The following AASS variants were observed in gnomAD, a reference collection of about 807,000 sequenced individuals.
The protein encoded by AASS is aminoadipate-semialdehyde synthase.
In AASS, 86 loss-of-function variants were observed where a neutral mutation model predicts 105.4. The observed-to-expected ratio is 0.82, with a 90% CI of 0.69 to 0.98. The LOEUF (loss-of-function observed/expected upper bound fraction) is 0.98, where lower values mean the gene tolerates loss of function less well. Among genes scored for constraint, AASS ranks in the 50% least tolerant of loss-of-function variants. The probability of loss-of-function intolerance (pLI) is 0.00; values close to 1 mark genes in which losing one functional copy is unlikely to be tolerated. For synonymous variants in AASS, 381 were observed against 394.8 expected, an observed-to-expected ratio of 0.96 and a Z score of 0.41; for missense variants, 1,048 against 1,143.2, an observed-to-expected ratio of 0.92 and a Z score of 1.20.
At chr7:122,092,383 G>T (rs1324042954) in intron 17 of AASS, among the ~76,000 whole-genome samples, 2 of 152,074 alleles carry the variant, frequency 1.3e-5, no homozygotes. Context: ...AAATTTTATA[G>T]TAGCATCTGT....
intron 1 of AASS, among the ~76,000 whole-genome samples, chr7:122,143,597 C>G (rs1283061950): frequency 6.6e-6 from 1 of 151,746 alleles, no homozygotes; most frequent in African/African-American, 2.4e-5. Context: ...GAGAATGGGT[C>G]TGTGTCTCGG....
chr7:122,131,628 A>G (rs537388511), intron 2 of AASS, among the ~76,000 whole-genome samples: 31 of 151,960 alleles, frequency 2.0e-4, no homozygotes, highest in Middle Eastern at 3.4e-3. Flanking sequence ...ATATATATAT[A>G]TGTGTGGGCA....
chr7:122,098,472 C>T lies in AASS; in HGVS notation c.1633G>A (p.Ala545Thr). 6.2e-7 allele frequency: 1 copy of T among 1,612,106 alleles called. No individual in the cohort carries two copies. The highest frequency in any genetic ancestry group is 8.5e-7 in the Non-Finnish European group (1 of 1,178,738). ...KQEEKLGFLV[A>T]KQDLVISLLP... ...GACCTGATGACAAGATCCTGTTTTG[C>T]CACCAAGAAGCCCAGCTTCTCTTCT... The change falls in exon 15 of 24, where the codon GCA (alanine) becomes ACA (threonine). Residue 545 changes from alanine to threonine, a missense_variant. Transcript: ENST00000417368.
intron 4 of AASS, among the ~76,000 whole-genome samples, chr7:122,120,060 T>G (rs547071710): frequency 1.3e-5 from 2 of 152,336 alleles, no homozygotes; most frequent in East Asian, 3.9e-4. Context: ...CATCGTGTTT[T>G]TGAGATTCAT....
chr7:122,078,472 C>G (rs968661501), intron 22 of AASS, among the ~76,000 whole-genome samples: 16 of 151,960 alleles, frequency 1.1e-4, no homozygotes, highest in African/African-American at 3.6e-4. Context: ...ATTAGCTGGG[C>G]ATGGTGGCAG....
chr7:122,109,243 C>T (rs1794819417), intron 11 of AASS, among the ~76,000 whole-genome samples: 1 of 98,196 alleles, frequency 1.0e-5, no homozygotes, highest in African/African-American at 4.6e-5. Flanking sequence ...CAATTCAGGG[C>T]AATCCTTACC....
At chr7:122,089,862 G>C (rs763474179) in intron 18 of AASS, among the ~76,000 whole-genome samples, 14 of 152,154 alleles carry the variant, frequency 9.2e-5, no homozygotes, top group Non-Finnish European at 2.1e-4. Flanking sequence ...CTAAAAATAA[G>C]TGTTTTACTC....
Position 122,117,069 on chromosome 7 carries a change from C to G in AASS, c.688-112G>C. On this transcript the variant is annotated intron_variant, in intron 6 of 23. Transcript: ENST00000417368. The stretch of plus-strand genomic sequence containing the variant: ...CAATTACATAGCTCCACTTGCCTTC[C>G]CTACAACCAGGACTGCAACACAGAA... 3 of 965,418 alleles carry G rather than the reference C, an allele frequency of 3.1e-6. No individual in the cohort carries two copies. The South Asian group carries it at 4.0e-5, about 13-fold the overall frequency. The allele number at this position is 965,418 out of a possible 1,614,324, so 59.8% of individuals were successfully genotyped here. A position where few individuals can be genotyped will look rare whatever the true frequency, so the allele number is the denominator to read the frequency against.
chr7:122,091,587 G>T, intron 18 of AASS, 116 bp downstream of exon 18: 2 of 1,454,500 alleles, frequency 1.4e-6, no homozygotes, highest in South Asian at 1.2e-5. Context: ...CACAGGAGGA[G>T]ATAATGGAGA....
chr7:122,077,594 C>T (rs928451400), intron 23 of AASS, among the ~76,000 whole-genome samples: 2 of 152,186 alleles, frequency 1.3e-5, no homozygotes, highest in African/African-American at 4.8e-5. Context: ...TGCTGAGTAA[C>T]TTGCAGCCCA....
At chr7:122,128,441 GGTCCTC>G (rs948429131) in intron 3 of AASS, among the ~76,000 whole-genome samples, 3 of 151,954 alleles carry the variant, frequency 2.0e-5, no homozygotes, top group African/African-American at 7.3e-5. Flanking sequence ...TTCACAATGG[GGTCCTC>G]CCTGACCATC....
chr7:122,087,573 A>T (rs1422628474), intron 18 of AASS, among the ~76,000 whole-genome samples: 1 of 152,132 alleles, frequency 6.6e-6, no homozygotes, highest in Non-Finnish European at 1.5e-5. Context: ...TAAGAAAGCA[A>T]ATGTTGGGCA....
intron 3 of AASS, among the ~76,000 whole-genome samples, chr7:122,128,696 G>T (rs1483230761): frequency 1.3e-5 from 2 of 152,182 alleles, no homozygotes; most frequent in African/African-American, 4.8e-5. Context: ...TTTGTTAAAT[G>T]AATATCTTGT....
chr7:122,132,276 C>G (rs551554149), intron 2 of AASS, among the ~76,000 whole-genome samples: 1 of 152,162 alleles, frequency 6.6e-6, no homozygotes, highest in East Asian at 1.9e-4. Flanking sequence ...GAACAGTTCA[C>G]AACTCAAAAA....
chr7:122,134,514 C>A (rs1796056809), intron 1 of AASS, among the ~76,000 whole-genome samples: 1 of 152,150 alleles, frequency 6.6e-6, no homozygotes, highest in Non-Finnish European at 1.5e-5. Flanking sequence ...CACAACCACC[C>A]ACCTGGCTAA....
intron 11 of AASS, among the ~76,000 whole-genome samples, 156 bp downstream of exon 11, chr7:122,112,962 G>C (rs1420284655): frequency 6.6e-6 from 1 of 152,180 alleles, no homozygotes; most frequent in Admixed American, 6.6e-5. Flanking sequence ...AGCAGAATAT[G>C]TCAAATAAAA....
chr7:122,131,615 A>T (rs1325591240), intron 2 of AASS, among the ~76,000 whole-genome samples: 2 of 150,666 alleles, frequency 1.3e-5, no homozygotes, highest in African/African-American at 2.4e-5. Flanking sequence ...ATGATTAAAT[A>T]ATATATATAT....
chr7:122,088,433 TGA>T (rs1793733969), intron 18 of AASS, among the ~76,000 whole-genome samples: 1 of 152,154 alleles, frequency 6.6e-6, no homozygotes, highest in African/African-American at 2.4e-5. Context: ...AAACTGAGGC[TGA>T]GTCACCCAAA....
In AASS at chr7:122,126,122, C is replaced by T. The variant is rs564922227; in HGVS notation, c.472+253G>A. On this transcript the variant is annotated intron_variant, in intron 4 of 23. Transcript: ENST00000417368. ...CTTCCAGCCTTTCGAAAGGAACTACCTAAAAATCAGAGCTTGTTTGTAGTT... is the reference window on the plus strand; with the variant it reads ...CTTCCAGCCTTTCGAAAGGAACTACTTAAAAATCAGAGCTTGTTTGTAGTT... Among the ~76,000 whole-genome samples, 4 of 152,290 alleles carry T rather than the reference C, an allele frequency of 2.6e-5. No individual in the cohort carries two copies. In the East Asian group the frequency reaches 7.7e-4, roughly 29 times the overall value.
Sources: gnomAD v4.1 joint callset for allele counts (sites outside exome capture counted in the v4.1 genomes callset) on GRCh38, gnomAD v4.1.1 for gene constraint, MANE v1.5 for transcripts, NCBI Gene and HGNC (gene_info 2026-07-23, HGNC 2026-07-21) for gene names.